LGR4: variants seen among roughly 807,000 people sequenced by gnomAD.
LGR4 encodes the protein leucine rich repeat containing G protein-coupled receptor 4, also known as leucine-rich repeat-containing G protein-coupled receptor 4.
A neutral mutation model predicts 84.8 loss-of-function variants in LGR4; 44 were observed. The ratio of observed to expected loss-of-function variants is 0.52; its 90% confidence interval spans 0.41 to 0.67. The LOEUF is 0.67. Among genes scored for constraint, LGR4 ranks in the 30% least tolerant of loss-of-function variants. LGR4 has a pLI of 0.00. For synonymous variants in LGR4, 429 were observed against 434.3 expected (o/e 0.99, Z 0.15); for missense variants, 1,032 against 1,131.4 (o/e 0.91, Z 1.26).
At chr11:27,369,966 C>A (rs1343554338) in intron 17 of LGR4, among the ~76,000 whole-genome samples, 1 of 152,168 alleles carries the variant, frequency 6.6e-6, no homozygotes, top group Non-Finnish European at 1.5e-5. Flanking sequence ...TAAAATCCTA[C>A]ATAATACAAA....
intron 1 of LGR4, among the ~76,000 whole-genome samples, chr11:27,419,651 C>CAT (rs1394630175): frequency 6.8e-6 from 1 of 146,702 alleles, no homozygotes; most frequent in East Asian, 2.0e-4. Context: ...TATATATACA[C>CAT]ATATATATGT....
intron 1 of LGR4, among the ~76,000 whole-genome samples, chr11:27,446,992 A>G (rs565406145): frequency 2.1e-3 from 309 of 147,830 alleles, no homozygotes; most frequent in African/African-American, 7.2e-3. Flanking sequence ...TAATGAGAAC[A>G]CTTGGACACA....
intron 1 of LGR4, among the ~76,000 whole-genome samples, chr11:27,453,737 T>C (rs1015312102): frequency 9.2e-5 from 14 of 152,190 alleles, no homozygotes; most frequent in Non-Finnish European, 1.3e-4. Flanking sequence ...TTCTGACTTA[T>C]TATCTCAGTA....
intron 1 of LGR4, among the ~76,000 whole-genome samples, chr11:27,463,905 A>C (rs1864730451): frequency 1.3e-5 from 2 of 152,230 alleles, no homozygotes; most frequent in Non-Finnish European, 2.9e-5. Context: ...CGTACACTTC[A>C]ACTTGTGTGA....
rs1006316656 is a variant in LGR4 at position 27,459,480 on chromosome 11, CT to C, written c.185+12637del. 3.1e-3 allele frequency among the ~76,000 whole-genome samples: 440 copies of C among 141,328 alleles called. 4 individuals carry two copies. The highest frequency in any genetic ancestry group is 0.017 in the South Asian group (74 of 4,374). The allele number at this position is 141,328 out of a possible 152,430, so 92.7% of individuals were successfully genotyped here. A position where few individuals can be genotyped will look rare whatever the true frequency, so the allele number is the denominator to read the frequency against. ...GCCAGGATGGTGTGAAGGGCAAATT[CT>C]TTTTTTTTTTTTTGAGACAGAGTCT... On this transcript the variant is annotated intron_variant, in intron 1 of 17. Coordinates refer to ENST00000379214, the MANE Select transcript of LGR4 (RefSeq NM_018490.5).
intron 1 of LGR4, among the ~76,000 whole-genome samples, chr11:27,433,236 G>A (rs1332067543): frequency 3.3e-5 from 5 of 151,946 alleles, no homozygotes; most frequent in Admixed American, 2.0e-4. Context: ...TTTTTGAGAC[G>A]GAGTCTCGCT....
chr11:27,468,936 T>A (rs1380190965), intron 1 of LGR4, among the ~76,000 whole-genome samples: 2 of 152,108 alleles, frequency 1.3e-5, no homozygotes, highest in Non-Finnish European at 2.9e-5. Context: ...CACATACACA[T>A]TCCCCTCCCC....
Position 27,369,155 on chromosome 11 carries a change from A to G in LGR4, c.1580-12T>C. The G allele has an allele frequency of 6.4e-7, 1 of 1,558,106 alleles. No individual in the cohort carries two copies. Among genetic ancestry groups the G allele is most frequent in the South Asian group, 1.2e-5 (1 of 83,014 alleles). ...GGGCTTAAAAGCACCTAAAAAAAAC[A>G]CACACAGAGAGAGAGAAATAAAAGA... On this transcript the variant is annotated splice_polypyrimidine_tract_variant and intron_variant, in intron 17 of 17. Transcript: ENST00000379214.
chr11:27,401,627 T>G (rs115769402), intron 2 of LGR4, among the ~76,000 whole-genome samples: 1 of 152,236 alleles, frequency 6.6e-6, no homozygotes, highest in Non-Finnish European at 1.5e-5. Flanking sequence ...CCAGGACATT[T>G]CTCATTTCAT....
chr11:27,397,318 C>A (rs529568882), intron 2 of LGR4, among the ~76,000 whole-genome samples: 3 of 152,320 alleles, frequency 2.0e-5, no homozygotes, highest in African/African-American at 7.2e-5. Context: ...TTAGACAAAG[C>A]TATCCCATTG....
In LGR4 at chr11:27,368,069, G is replaced by A; in HGVS notation, c.2654C>T (p.Ala885Val). The A allele has an allele frequency of 1.9e-6, 3 of 1,613,336 alleles. No individual in the cohort carries two copies. The highest frequency in any genetic ancestry group is 2.5e-6 in the Non-Finnish European group (3 of 1,179,646). ...LIKSHSCPAL[A>V]VASCQRPEGY... ...CTCAGGTCTTTGGCAAGAAGCCACT[G>A]CCAATGCAGGACAGCTGTGTGATTT... The change falls in exon 18 of 18, where the codon GCA (alanine) becomes GTA (valine). Residue 885 changes from alanine to valine, a missense_variant. Transcript: ENST00000379214.
chr11:27,384,039 T>A (rs532080873), intron 6 of LGR4, among the ~76,000 whole-genome samples: 1 of 152,304 alleles, frequency 6.6e-6, no homozygotes, highest in South Asian at 2.1e-4. Flanking sequence ...CTTCCAAAAC[T>A]GTCATACATT....
At chr11:27,402,184 G>T (rs1590364931) in intron 2 of LGR4, among the ~76,000 whole-genome samples, 2 of 152,070 alleles carry the variant, frequency 1.3e-5, no homozygotes, top group African/African-American at 4.8e-5. Flanking sequence ...AACCCTTCCT[G>T]CTGGTCCCAT....
intron 1 of LGR4, among the ~76,000 whole-genome samples, chr11:27,468,261 G>T (rs189469461): frequency 6.6e-6 from 1 of 152,164 alleles, no homozygotes; most frequent in African/African-American, 2.4e-5. Context: ...GTGAAGGTTT[G>T]AGAGATTATG....
intron 17 of LGR4, among the ~76,000 whole-genome samples, chr11:27,370,051 C>T (rs1485340017): frequency 6.6e-6 from 1 of 152,150 alleles, no homozygotes; most frequent in African/African-American, 2.4e-5. Context: ...AGTTATGACA[C>T]AAATTACAAC....
chr11:27,369,317 T>C (rs1862837932), intron 17 of LGR4, among the ~76,000 whole-genome samples, 174 bp from the exon 18 acceptor site: 1 of 152,230 alleles, frequency 6.6e-6, no homozygotes, highest in African/African-American at 2.4e-5. Flanking sequence ...GACCAGGCTA[T>C]TTTAAAAATA....
chr11:27,455,575 T>C (rs1177060690), intron 1 of LGR4, among the ~76,000 whole-genome samples: 1 of 152,228 alleles, frequency 6.6e-6, no homozygotes, highest in Non-Finnish European at 1.5e-5. Context: ...TTAGATCCAC[T>C]GCATTAGATG....
intron 2 of LGR4, among the ~76,000 whole-genome samples, chr11:27,411,065 T>A (rs965745174): frequency 1.3e-5 from 2 of 152,130 alleles, no homozygotes; most frequent in African/African-American, 4.8e-5. Flanking sequence ...GAAGATGGTG[T>A]GCACACAGTG....
At chr11:27,389,882 G>GAACATA (rs1863250337) in intron 4 of LGR4, among the ~76,000 whole-genome samples, 1 of 152,052 alleles carries the variant, frequency 6.6e-6, no homozygotes, top group African/African-American at 2.4e-5. Context: ...TACCCAATTA[G>GAACATA]CTGTGGTGAA....
Sources: gnomAD v4.1 joint callset for allele counts (sites outside exome capture counted in the v4.1 genomes callset) on GRCh38, gnomAD v4.1.1 for gene constraint, MANE v1.5 for transcripts, NCBI Gene and HGNC (gene_info 2026-07-23, HGNC 2026-07-21) for gene names.